Variants in FBXL7 observed in about 807,000 individuals in gnomAD.
FBXL7 encodes the protein F-box/LRR-repeat protein 7.
Under a neutral mutation model 38.3 loss-of-function variants are expected in FBXL7, and 12 were observed. The observed-to-expected ratio is 0.31, with a 90% confidence interval of 0.20 to 0.51. The LOEUF (loss-of-function observed/expected upper bound fraction) is 0.51. FBXL7 is among the 20% of genes least tolerant of loss of function. The probability of loss-of-function intolerance (pLI) is 0.98; values close to 1 mark genes in which losing one functional copy is unlikely to be tolerated. For missense variants in FBXL7, 567 were observed against 676.4 expected, an observed-to-expected ratio of 0.84 and a Z score of 1.79; for synonymous variants, 297 against 300.9, an observed-to-expected ratio of 0.99 and a Z score of 0.13.
At chr5:15,644,224 C>T (rs945682056) in intron 2 of FBXL7, among the ~76,000 whole-genome samples, 8 of 149,336 alleles carry the variant, frequency 5.4e-5, no homozygotes, top group Non-Finnish European at 7.4e-5. Flanking sequence ...TTTGGGAGGC[C>T]GAAGTGGGCG....
intron 2 of FBXL7, among the ~76,000 whole-genome samples, chr5:15,629,337 G>A (rs1423151060): frequency 5.9e-5 from 9 of 152,136 alleles, no homozygotes; most frequent in Non-Finnish European, 1.3e-4. Context: ...TCCTGCTGCC[G>A]TGGGCTCACT....
intron 2 of FBXL7, among the ~76,000 whole-genome samples, chr5:15,875,521 A>G (rs760919441): frequency 2.6e-5 from 4 of 152,184 alleles, no homozygotes; most frequent in Non-Finnish European, 4.4e-5. Flanking sequence ...AAGAGCTAAT[A>G]CCCAGAATCT....
intron 2 of FBXL7, among the ~76,000 whole-genome samples, chr5:15,843,528 C>T (rs1738806260): frequency 6.6e-6 from 1 of 152,100 alleles, no homozygotes; most frequent in African/African-American, 2.4e-5. Flanking sequence ...ATGCATGAAG[C>T]CCCATAGTCT....
chr5:15,620,046 G>T (rs907930254), intron 2 of FBXL7, among the ~76,000 whole-genome samples: 2 of 152,114 alleles, frequency 1.3e-5, no homozygotes, highest in African/African-American at 4.8e-5. Flanking sequence ...ACTGTAAATG[G>T]ACAGGAAGAA....
At chr5:15,512,467 A>G (rs1241344688) in intron 1 of FBXL7, among the ~76,000 whole-genome samples, 1 of 152,198 alleles carries the variant, frequency 6.6e-6, no homozygotes, top group Non-Finnish European at 1.5e-5. Context: ...ATCTATAGCC[A>G]TGATCTTTAT....
intron 2 of FBXL7, among the ~76,000 whole-genome samples, chr5:15,860,948 T>G (rs1236061927): frequency 6.6e-6 from 1 of 152,214 alleles, no homozygotes; most frequent in African/African-American, 2.4e-5. Context: ...GCAGTTCTTA[T>G]CTGCTGATTC....
chr5:15,884,652 TAG>T (rs1740603476), intron 2 of FBXL7, among the ~76,000 whole-genome samples: 1 of 152,150 alleles, frequency 6.6e-6, no homozygotes, highest in Non-Finnish European at 1.5e-5. Context: ...GTGAATTCAA[TAG>T]AGATAGTTGA....
At chr5:15,646,615 A>C (rs910034797) in intron 2 of FBXL7, among the ~76,000 whole-genome samples, 4 of 152,130 alleles carry the variant, frequency 2.6e-5, no homozygotes, top group Non-Finnish European at 4.4e-5. Context: ...GGAGCTTTGG[A>C]ATTGCTGGAA....
At chr5:15,803,288 A>C (rs1458770659) in intron 2 of FBXL7, among the ~76,000 whole-genome samples, 1 of 152,166 alleles carries the variant, frequency 6.6e-6, no homozygotes, top group African/African-American at 2.4e-5. Context: ...TATCACCCAT[A>C]ATCAACCTTA....
At chr5:15,600,493 ATTTTAT>A (rs928769538) in intron 1 of FBXL7, among the ~76,000 whole-genome samples, 10 of 152,076 alleles carry the variant, frequency 6.6e-5, no homozygotes, top group Non-Finnish European at 1.5e-4. Flanking sequence ...GGGCCTTAGA[ATTTTAT>A]TTTTATTTCT....
At chr5:15,625,847 C>T (rs1412959929) in intron 2 of FBXL7, among the ~76,000 whole-genome samples, 1 of 151,696 alleles carries the variant, frequency 6.6e-6, no homozygotes, top group African/African-American at 2.4e-5. Flanking sequence ...TCTATGACAC[C>T]AAAAAAGTAG....
Position 15,903,209 on chromosome 5 carries a change from G to T in FBXL7, c.128-24681G>T, listed in dbSNP as rs74624411. Among the ~76,000 whole-genome samples, 835 of 152,310 alleles carry T rather than the reference G, an allele frequency of 5.5e-3. 5 individuals carry two copies. The highest frequency in any genetic ancestry group is 0.019 in the African/African-American group (790 of 41,572). Reference sequence around the variant, plus strand: ...CTAGGGAAGAAAATGTTTCTTAAAAGATCAGACTCTCAACTCTTTCACTGA... The same window carrying T: ...CTAGGGAAGAAAATGTTTCTTAAAATATCAGACTCTCAACTCTTTCACTGA... On this transcript the variant is annotated intron_variant, in intron 2 of 3. Coordinates refer to ENST00000504595, the MANE Select transcript of FBXL7 (RefSeq NM_012304.5).
At chr5:15,694,346 G>A (rs1743268782) in intron 2 of FBXL7, among the ~76,000 whole-genome samples, 1 of 152,178 alleles carries the variant, frequency 6.6e-6, no homozygotes, top group Non-Finnish European at 1.5e-5. Context: ...CAAAGCAGGT[G>A]GGGCAGTTAA....
At chr5:15,559,771 G>A (rs931145970) in intron 1 of FBXL7, among the ~76,000 whole-genome samples, 3 of 152,344 alleles carry the variant, frequency 2.0e-5, no homozygotes, top group Non-Finnish European at 2.9e-5. Flanking sequence ...GCAATAAAAC[G>A]CCTGGAGGCA....
chr5:15,697,326 A>G (rs73755516), intron 2 of FBXL7, among the ~76,000 whole-genome samples: 8,488 of 152,226 alleles, frequency 0.056, 265 homozygotes, highest in East Asian at 0.086. Flanking sequence ...ATTTATAATC[A>G]AGAGTACAGT....
At position 15,936,795 on chromosome 5, in the gene FBXL7, G is replaced by C; in HGVS notation, c.1085G>C (p.Arg362Pro). ...TACCTGAGCATCGCGCACTGCGGCC[G>C]GGTCACCGACGTGGGCATCCGCTAC... is the stretch of plus-strand genomic sequence containing the variant. ...LRYLSIAHCG[R>P]VTDVGIRYVA... The change falls in exon 4 of 4, where the codon CGG (arginine) becomes CCG (proline). Residue 362 changes from arginine (R) to proline (P), a missense_variant. Physicochemically the swap from Arg to Pro is moderately radical, Grantham distance 103 (BLOSUM62 -2). Transcript: ENST00000504595. The surrounding 1 kb of genome is among the most constrained non-coding windows in gnomAD (Gnocchi z 6.0). 6.2e-7 allele frequency: 1 copy of C among 1,612,222 alleles called. No homozygotes were observed. The highest frequency in any genetic ancestry group is 8.5e-7 in the Non-Finnish European group (1 of 1,179,454).
chr5:15,818,087 G>A (rs989801944), intron 2 of FBXL7, among the ~76,000 whole-genome samples: 2 of 147,806 alleles, frequency 1.4e-5, no homozygotes, highest in Admixed American at 6.9e-5. Flanking sequence ...TATTAATCTA[G>A]TAAGTTGTGT....
intron 2 of FBXL7, among the ~76,000 whole-genome samples, chr5:15,801,193 A>G (rs1420057553): frequency 1.3e-5 from 2 of 152,202 alleles, no homozygotes; most frequent in Non-Finnish European, 2.9e-5. Flanking sequence ...TACATTTGCA[A>G]TAATACCTGG....
chr5:15,533,605 G>A (rs964263197), intron 1 of FBXL7, among the ~76,000 whole-genome samples: 3 of 152,086 alleles, frequency 2.0e-5, no homozygotes, highest in South Asian at 2.1e-4. Flanking sequence ...TCAGAATATC[G>A]GAGAAAGCCA....
Sources: gnomAD v4.1 joint callset for allele counts (sites outside exome capture counted in the v4.1 genomes callset) on GRCh38, gnomAD v4.1.1 for gene constraint, Gnocchi (gnomAD v3.1) non-coding constraint, MANE v1.5 for transcripts, NCBI Gene and HGNC (gene_info 2026-07-23, HGNC 2026-07-21) for gene names.